ECE1: variants seen among roughly 807,000 people sequenced by gnomAD.
ECE1 encodes endothelin converting enzyme 1.
Under a neutral mutation model 98.6 loss-of-function variants are expected in ECE1, and 35 were observed. The ratio of observed to expected loss-of-function variants is 0.35; its 90% confidence interval spans 0.27 to 0.47. ECE1 has a LOEUF of 0.47. ECE1 is among the 20% of genes least tolerant of loss of function. The pLI is 1.00. For synonymous variants in ECE1, 394 were observed against 407.1 expected (o/e 0.97, Z 0.39); for missense variants, 814 against 1,025.3 (o/e 0.79, Z 2.81).
At chr1:21,236,967 T>A in intron 11 of ECE1, 123 bp from the exon 12 acceptor site, 1 of 953,220 alleles carries the variant, frequency 1.0e-6, no homozygotes, top group Non-Finnish European at 1.7e-6. Context: ...TCAGGCTGGG[T>A]GAGAAGGGGA....
rs28368019 is a variant in ECE1 at position 21,235,792 on chromosome 1, C to T, written c.1566+58G>A. The stretch of plus-strand genomic sequence containing the variant: ...ACCCCATCTGGACCCAGCCCTGCCT[C>T]GGCCCTTTTCTAAGGGGGCATTTAG... On this transcript the variant is annotated intron_variant, in intron 13 of 18. Transcript: ENST00000374893. The surrounding 1 kb of genome is among the most constrained non-coding windows in gnomAD (Gnocchi z 4.2). The T allele has an allele frequency of 1.0e-4, 158 of 1,561,622 alleles. No homozygotes were observed. Among genetic ancestry groups the T allele is most frequent in the South Asian group, 6.2e-4 (56 of 90,036 alleles).
chr1:21,228,933 C>A (rs1331916991), intron 14 of ECE1, among the ~76,000 whole-genome samples: 1 of 151,648 alleles, frequency 6.6e-6, no homozygotes, highest in Non-Finnish European at 1.5e-5. Flanking sequence ...CTCCGCCCCC[C>A]GGGGTTCACG....
rs538017740 is a variant in ECE1, at chr1:21,245,578, G to A, written c.1164-475C>T. 3.9e-5 allele frequency among the ~76,000 whole-genome samples: 6 copies of A among 152,260 alleles called. No homozygotes were observed. The South Asian group carries it at 8.3e-4, about 21-fold the overall frequency. ...GCTTTCCATGATGACAGCTCCTACT[G>A]CCCCACCTGCAGGGCACAGGGAACC... On this transcript the variant is annotated intron_variant, in intron 9 of 18. Coordinates refer to ENST00000374893, the MANE Select transcript of ECE1 (RefSeq NM_001397.3).
intron 3 of ECE1, among the ~76,000 whole-genome samples, chr1:21,277,171 G>T (rs2098248428): frequency 6.6e-6 from 1 of 152,178 alleles, no homozygotes; most frequent in Non-Finnish European, 1.5e-5. Flanking sequence ...CACTCCAGGG[G>T]AAGAATGTTC....
In ECE1 at chr1:21,220,142, G is replaced by A. The variant is rs2098165562; in HGVS notation, c.2137-11C>T. The A allele has an allele frequency of 6.2e-7, 1 of 1,605,170 alleles. No homozygotes were observed. The highest frequency in any genetic ancestry group is 8.5e-7 in the Non-Finnish European group (1 of 1,173,874). On this transcript the variant is annotated splice_polypyrimidine_tract_variant and intron_variant, in intron 18 of 18. Coordinates refer to ENST00000374893, the MANE Select transcript of ECE1 (RefSeq NM_001397.3). This position sits in a 1 kb window ranked among gnomAD's most constrained non-coding sequence, Gnocchi z 5.0. ...GACGGAGCACCAGACCTTTGAAGGG[G>A]CAACAGGGAGAGGCCAGGGTCACTG...
intron 2 of ECE1, among the ~76,000 whole-genome samples, chr1:21,287,455 G>A (rs756007574): frequency 3.9e-5 from 6 of 152,208 alleles, no homozygotes; most frequent in Non-Finnish European, 8.8e-5. Context: ...GAACCTGGGA[G>A]GCGGAGGTTG....
intron 14 of ECE1, among the ~76,000 whole-genome samples, chr1:21,229,610 A>C (rs2098179154): frequency 6.6e-6 from 1 of 152,230 alleles, no homozygotes; most frequent in South Asian, 2.1e-4. Context: ...TAAAATTAAA[A>C]TTTTGAAAAA....
In ECE1 at chr1:21,233,705, G is replaced by A; in HGVS notation, c.1567-44C>T. On this transcript the variant is annotated intron_variant, in intron 13 of 18. Coordinates refer to ENST00000374893, the MANE Select transcript of ECE1 (RefSeq NM_001397.3). The surrounding 1 kb of genome is among the most constrained non-coding windows in gnomAD (Gnocchi z 4.0). ...AGTCAATCACAGTGTGCCCTCGGTG[G>A]TGTGCATCTTCCAAGACAGGAAGCC... 6.3e-7 allele frequency: 1 copy of A among 1,575,142 alleles called. No individual in the cohort carries two copies. Among genetic ancestry groups the A allele is most frequent in the Non-Finnish European group, 8.7e-7 (1 of 1,146,246 alleles).
At chr1:21,279,131 A>G in intron 3 of ECE1, 60 bp downstream of exon 3, 7 of 1,613,614 alleles carry the variant, frequency 4.3e-6, no homozygotes, top group Non-Finnish European at 5.9e-6. Context: ...CCCTCGCCCG[A>G]GCTGACGGAG....
intron 2 of ECE1, 125 bp downstream of exon 2, chr1:21,289,945 C>G: frequency 8.4e-7 from 1 of 1,193,684 alleles, no homozygotes; most frequent in Non-Finnish European, 1.1e-6. Flanking sequence ...CTCCCGGATG[C>G]CGGGACGAGG....
chr1:21,324,855 A>T (rs1639043747), intron 1 of ECE1, among the ~76,000 whole-genome samples: 1 of 152,212 alleles, frequency 6.6e-6, no homozygotes, highest in African/African-American at 2.4e-5. Context: ...GCTCAAGTTG[A>T]ACCTGATGCA....
intron 8 of ECE1, among the ~76,000 whole-genome samples, chr1:21,249,027 A>C (rs1026404941): frequency 1.3e-5 from 2 of 152,082 alleles, no homozygotes; most frequent in African/African-American, 4.8e-5. Context: ...GGTACTCCTC[A>C]AGTTTCTAAT....
In ECE1 at chr1:21,290,046, C is replaced by A; in HGVS notation, c.138+24G>T. The A allele has an allele frequency of 7.1e-7, 1 of 1,416,994 alleles. No homozygotes were observed. The highest frequency in any genetic ancestry group is 9.3e-7 in the Non-Finnish European group (1 of 1,073,988). The allele number at this position is 1,416,994 out of a possible 1,614,324, so 87.8% of individuals were successfully genotyped here. On this transcript the variant is annotated intron_variant, in intron 2 of 18. Coordinates refer to ENST00000374893, the MANE Select transcript of ECE1 (RefSeq NM_001397.3). This position sits in a 1 kb window ranked among gnomAD's most constrained non-coding sequence, Gnocchi z 7.3. Reference sequence around the variant, plus strand: ...GCCCGGGCCCGGGGCGCCTGGACCTCGGGAGGGAGCGGAGGGCGCCTACCT... The same window carrying A: ...GCCCGGGCCCGGGGCGCCTGGACCTAGGGAGGGAGCGGAGGGCGCCTACCT...
intron 3 of ECE1, among the ~76,000 whole-genome samples, chr1:21,278,847 G>C (rs1473781083): frequency 6.6e-6 from 1 of 152,194 alleles, no homozygotes; most frequent in Non-Finnish European, 1.5e-5. Context: ...CCAGCTATGG[G>C]ACATATGTTA....
intron 1 of ECE1, among the ~76,000 whole-genome samples, chr1:21,321,592 T>C (rs1035126967): frequency 1.3e-5 from 2 of 149,616 alleles, no homozygotes; most frequent in African/African-American, 5.0e-5. Context: ...CCATTCTTTC[T>C]GCAGTCCTGT....
At chr1:21,332,738 AGGGG>A (rs1639226830) in intron 1 of ECE1, among the ~76,000 whole-genome samples, 1 of 3,662 alleles carries the variant, frequency 2.7e-4, no homozygotes, top group African/African-American at 1.3e-3. Flanking sequence ...AGGGGAGGGG[AGGGG>A]AGGGGAGGGG....
rs3061090 is a variant in ECE1, at chr1:21,319,346, AAATAAT to A, written c.3+26024_3+26029del. 6.4e-3 allele frequency among the ~76,000 whole-genome samples: 965 copies of A among 151,918 alleles called. 4 individuals are homozygous for A. The highest frequency in any genetic ancestry group is 0.014 in the Middle Eastern group (4 of 290). On this transcript the variant is annotated intron_variant, in intron 1 of 18. Transcript: ENST00000415912. The surrounding 1 kb of genome is among the most constrained non-coding windows in gnomAD (Gnocchi z 4.4). ...GGAGACAGAGCGAGACTCCGTCTCAAAATAATAATAATCATAATCATAATCATAATC... is the reference window on the plus strand; with the variant it reads ...GGAGACAGAGCGAGACTCCGTCTCAAAATAATCATAATCATAATCATAATC...
At chr1:21,287,434 G>A (rs1221681703) in intron 2 of ECE1, among the ~76,000 whole-genome samples, 2 of 152,218 alleles carry the variant, frequency 1.3e-5, no homozygotes, top group Non-Finnish European at 1.5e-5. Flanking sequence ...GCTGAGGCAG[G>A]AGAATTGCTT....
Position 21,217,830 on chromosome 1 carries a change from T to C in ECE1, c.*2125A>G, listed in dbSNP as rs1423008750. On this transcript the variant is annotated 3_prime_UTR_variant, in exon 19 of 19. Coordinates refer to ENST00000374893, the MANE Select transcript of ECE1 (RefSeq NM_001397.3). The stretch of plus-strand genomic sequence containing the variant: ...ACCAGGACCTCCATCTGGAATCCAC[T>C]CTCGATACCCTGCACCAGCTTGGAG... The C allele has an allele frequency of 6.6e-6, 1 of 152,274 alleles. No individual in the cohort carries two copies. Among genetic ancestry groups the C allele is most frequent in the Non-Finnish European group, 1.5e-5 (1 of 68,122 alleles). 9.4% of individuals were successfully genotyped at this position (152,274 alleles called of 1,614,324 possible).
Sources: gnomAD v4.1 joint callset for allele counts (sites outside exome capture counted in the v4.1 genomes callset) on GRCh38, gnomAD v4.1.1 for gene constraint, Gnocchi (gnomAD v3.1) non-coding constraint, MANE v1.5 for transcripts, NCBI Gene and HGNC (gene_info 2026-07-23, HGNC 2026-07-21) for gene names.